Variants in APOOL observed in about 807,000 individuals in gnomAD.
APOOL encodes MICOS complex subunit MIC27.
A neutral mutation model predicts 23.1 loss-of-function variants in APOOL; 12 were observed. The observed-to-expected ratio is 0.52, with a 90% CI of 0.33 to 0.84. The LOEUF is 0.84. Among genes scored for constraint, APOOL ranks in the 40% least tolerant of loss-of-function variants. APOOL has a pLI of 0.02. For missense variants in APOOL, 212 were observed against 199.6 expected, an observed-to-expected ratio of 1.06 and a Z score of -0.37; for synonymous variants, 77 against 69.9, an observed-to-expected ratio of 1.10 and a Z score of -0.51.
intron 1 of APOOL, among the ~76,000 whole-genome samples, chrX:85,005,400 C>A (rs1442139817): frequency 3.3e-5 from 1 of 30,026 alleles, no homozygotes; most frequent in Non-Finnish European, 8.9e-5. Flanking sequence ...ATTCACCCCC[C>A]CCCCCCCCCG....
chrX:85,066,688 C>G (rs780385004), intron 5 of APOOL, among the ~76,000 whole-genome samples: 9 of 110,499 alleles, frequency 8.1e-5, no homozygotes, highest in Non-Finnish European at 1.5e-4. Flanking sequence ...ATTCACCTTT[C>G]CAAATACTTA....
chrX:85,054,519 T>G (rs995602553), intron 4 of APOOL, 121 bp downstream of exon 4: 1 of 460,333 alleles, frequency 2.2e-6, no homozygotes, highest in Non-Finnish European at 3.3e-6. Context: ...GAAGGTACTC[T>G]CTATAGCAAT....
chrX:85,093,041 A>T lies in APOOL; in HGVS notation c.*5363A>T, dbSNP rs1293302992. ...ACTGTATATGATCATCTGATTTGAA[A>T]ATCCAGTTTAATTTGGGTAGAAATT... On this transcript the variant is annotated 3_prime_UTR_variant, in exon 9 of 9. Coordinates refer to ENST00000373173, the MANE Select transcript of APOOL (RefSeq NM_198450.6). The T allele has an allele frequency of 1.9e-6, 1 of 526,510 alleles. No homozygotes were observed. The highest frequency in any genetic ancestry group is 3.0e-6 in the Non-Finnish European group (1 of 328,318). The allele number at this position is 526,510 out of a possible 1,213,427, so 43.4% of individuals were successfully genotyped here.
At chrX:85,047,706 C>T (rs187698174) in intron 2 of APOOL, among the ~76,000 whole-genome samples, 1 of 111,495 alleles carries the variant, frequency 9.0e-6, no homozygotes, top group East Asian at 2.8e-4. Context: ...GTTGATCTGG[C>T]TTATCATGCC....
At chrX:85,044,390 T>C (rs768133498) in intron 1 of APOOL, among the ~76,000 whole-genome samples, 13 of 110,626 alleles carry the variant, frequency 1.2e-4, no homozygotes, top group Non-Finnish European at 1.9e-4. Flanking sequence ...CAAGTGATTC[T>C]CCTGCCTCAG....
chrX:85,032,409 G>A (rs957007092), intron 1 of APOOL, among the ~76,000 whole-genome samples: 1 of 110,887 alleles, frequency 9.0e-6, no homozygotes, highest in Non-Finnish European at 1.9e-5. Context: ...AGCTACCTGG[G>A]AGGCTGAGGC....
chrX:85,018,414 A>G (rs1921550698), intron 1 of APOOL, among the ~76,000 whole-genome samples: 1 of 111,377 alleles, frequency 9.0e-6, no homozygotes, highest in East Asian at 2.8e-4. Context: ...TATTATGAGG[A>G]CAGCACCAAG....
chrX:85,034,525 G>A (rs1362789795), intron 1 of APOOL, among the ~76,000 whole-genome samples: 1 of 110,643 alleles, frequency 9.0e-6, no homozygotes, highest in African/African-American at 3.3e-5. Context: ...TGTTACAAGA[G>A]TATATTGAAT....
chrX:85,041,107 G>T (rs1922386330), intron 1 of APOOL, among the ~76,000 whole-genome samples: 1 of 112,030 alleles, frequency 8.9e-6, no homozygotes, highest in Admixed American at 9.5e-5. Flanking sequence ...GATTACTTCT[G>T]GGAGCTCCAT....
At chrX:85,021,511 A>G (rs905316155) in intron 1 of APOOL, among the ~76,000 whole-genome samples, 1 of 110,988 alleles carries the variant, frequency 9.0e-6, no homozygotes, top group Non-Finnish European at 1.9e-5. Flanking sequence ...CCCAGGGTCC[A>G]TTCTCACCCC....
chrX:85,051,647 G>C (rs755377065), intron 3 of APOOL, 139 bp downstream of exon 3: 16 of 878,705 alleles, frequency 1.8e-5, no homozygotes, highest in Non-Finnish European at 2.5e-5. Context: ...GATTTTGTAA[G>C]TCATGAATTT....
chrX:85,008,057 A>T (rs1183492430), intron 1 of APOOL, among the ~76,000 whole-genome samples: 1 of 111,567 alleles, frequency 9.0e-6, no homozygotes, highest in Non-Finnish European at 1.9e-5. Context: ...TAAATTCAAG[A>T]TGTCCCCAGG....
intron 1 of APOOL, among the ~76,000 whole-genome samples, chrX:85,026,539 C>A (rs1921848985): frequency 8.9e-6 from 1 of 112,946 alleles, no homozygotes; most frequent in Non-Finnish European, 1.9e-5. Flanking sequence ...TTATGCTCTG[C>A]CTTCTGTTTA....
chrX:85,042,586 A>G (rs377308520), intron 1 of APOOL, among the ~76,000 whole-genome samples: 1 of 112,245 alleles, frequency 8.9e-6, no homozygotes, highest in East Asian at 2.8e-4. Context: ...ATACTTCCAA[A>G]CTCATTCTAC....
At chrX:85,067,278 A>G in intron 6 of APOOL, 60 bp downstream of exon 6, 1 of 813,175 alleles carries the variant, frequency 1.2e-6, no homozygotes. Flanking sequence ...CAATGTGACA[A>G]TATTTAAATG....
intron 1 of APOOL, among the ~76,000 whole-genome samples, chrX:85,009,758 C>T (rs1334726187): frequency 9.0e-6 from 1 of 110,987 alleles, no homozygotes; most frequent in Non-Finnish European, 1.9e-5. Flanking sequence ...AAGCTCATTA[C>T]CCAGTAGTTG....
intron 5 of APOOL, among the ~76,000 whole-genome samples, chrX:85,061,654 C>G (rs914440907): frequency 1.8e-5 from 2 of 111,613 alleles, no homozygotes; most frequent in African/African-American, 3.3e-5. Flanking sequence ...CCTAGATTTT[C>G]TAGTTTATTT....
intron 1 of APOOL, among the ~76,000 whole-genome samples, chrX:85,010,941 G>T (rs939632602): frequency 8.9e-6 from 1 of 111,957 alleles, no homozygotes; most frequent in Non-Finnish European, 1.9e-5. Flanking sequence ...CATAGTGGTT[G>T]TACTAGCTTA....
intron 8 of APOOL, 114 bp from the exon 9 acceptor site, chrX:85,087,476 G>A (rs1036002870): frequency 1.8e-6 from 1 of 560,840 alleles, no homozygotes; most frequent in African/African-American, 2.4e-5. Flanking sequence ...TAACTCAAAT[G>A]TTAGGTCTGT....
Sources: gnomAD v4.1 joint callset for allele counts (sites outside exome capture counted in the v4.1 genomes callset) on GRCh38, gnomAD v4.1.1 for gene constraint, MANE v1.5 for transcripts, NCBI Gene and HGNC (gene_info 2026-07-23, HGNC 2026-07-21) for gene names.